Variants in CPPED1 observed in about 807,000 individuals in gnomAD.
CPPED1 encodes calcineurin like phosphoesterase domain containing 1, also known as serine/threonine-protein phosphatase CPPED1.
CPPED1 carries 28 observed loss-of-function variants against 28.0 expected under a neutral mutation model. The observed-to-expected ratio is 1.00, with a 90% confidence interval of 0.74 to 1.37. CPPED1 has a LOEUF of 1.37. Ranked by LOEUF, CPPED1 falls within the 40% of genes most tolerant of loss-of-function variation. The pLI is 0.00. For synonymous variants in CPPED1, 198 were observed against 180.2 expected (o/e 1.10, Z -0.79); for missense variants, 504 against 416.5 (o/e 1.21, Z -1.83).
chr16:12,722,475 C>T (rs543081539), intron 2 of CPPED1, among the ~76,000 whole-genome samples: 2 of 152,320 alleles, frequency 1.3e-5, no homozygotes, highest in South Asian at 2.1e-4. Flanking sequence ...CGGTGGCTCA[C>T]GCCTGTAATC....
intron 3 of CPPED1, among the ~76,000 whole-genome samples, chr16:12,680,501 T>C (rs775787186): frequency 5.9e-5 from 9 of 152,066 alleles, no homozygotes; most frequent in Non-Finnish European, 1.3e-4. Context: ...CTTTCAGCCC[T>C]CTAAGGACTA....
chr16:12,731,717 T>C (rs1313180811), intron 2 of CPPED1, among the ~76,000 whole-genome samples: 1 of 151,542 alleles, frequency 6.6e-6, no homozygotes, highest in East Asian at 1.9e-4. Context: ...CTGTACTCTT[T>C]TTCATTCTTT....
At chr16:12,774,892 G>A (rs543866606) in intron 2 of CPPED1, among the ~76,000 whole-genome samples, 2 of 152,150 alleles carry the variant, frequency 1.3e-5, no homozygotes, top group East Asian at 1.9e-4. Context: ...CATGATCACG[G>A]CTCACTGAAG....
intron 3 of CPPED1, among the ~76,000 whole-genome samples, chr16:12,686,877 A>AT (rs36119593): frequency 1.2e-4 from 18 of 150,866 alleles, no homozygotes; most frequent in African/African-American, 3.2e-4. Flanking sequence ...AAGTGGCATA[A>AT]TTTTTTTTTT....
At chr16:12,696,242 G>A (rs780899008) in intron 3 of CPPED1, among the ~76,000 whole-genome samples, 4 of 152,044 alleles carry the variant, frequency 2.6e-5, no homozygotes, top group African/African-American at 4.8e-5. Context: ...AACCAGGTCC[G>A]CCTGTCCTGG....
intron 1 of CPPED1, among the ~76,000 whole-genome samples, chr16:12,784,764 A>G (rs957328759): frequency 6.6e-6 from 1 of 152,210 alleles, no homozygotes; most frequent in Non-Finnish European, 1.5e-5. Context: ...GCATAAATCA[A>G]CCTTCTACAA....
intron 2 of CPPED1, among the ~76,000 whole-genome samples, chr16:12,776,147 C>G (rs2865881): frequency 3.9e-5 from 6 of 151,912 alleles, no homozygotes; most frequent in African/African-American, 1.2e-4. Context: ...ATCAGAGTAA[C>G]AGAATATGAG....
At chr16:12,698,813 G>C (rs749657076) in intron 3 of CPPED1, among the ~76,000 whole-genome samples, 1 of 152,156 alleles carries the variant, frequency 6.6e-6, no homozygotes, top group Non-Finnish European at 1.5e-5. Flanking sequence ...ATAAATACTA[G>C]AAATGAAACT....
intron 3 of CPPED1, among the ~76,000 whole-genome samples, chr16:12,690,906 T>C (rs2079959226): frequency 6.6e-6 from 1 of 152,286 alleles, no homozygotes; most frequent in East Asian, 1.9e-4. Context: ...ACCAGCTCCT[T>C]TCCTGAGGCA....
intron 2 of CPPED1, among the ~76,000 whole-genome samples, chr16:12,708,226 T>A (rs1002087337): frequency 1.3e-5 from 2 of 152,196 alleles, no homozygotes; most frequent in African/African-American, 4.8e-5. Flanking sequence ...ACACTTTCTA[T>A]ACCTCTTGCA....
intron 2 of CPPED1, among the ~76,000 whole-genome samples, chr16:12,734,118 G>A (rs2080214466): frequency 7.9e-6 from 1 of 125,988 alleles, no homozygotes; most frequent in African/African-American, 3.1e-5. Flanking sequence ...CACCCAGGCT[G>A]GAGTGCAGTG....
At chr16:12,711,534 C>T (rs2141191530) in intron 2 of CPPED1, among the ~76,000 whole-genome samples, 1 of 152,278 alleles carries the variant, frequency 6.6e-6, no homozygotes, top group African/African-American at 2.4e-5. Context: ...GAAGAAACCA[C>T]CAAAGTTATC....
chr16:12,739,137 C>T (rs969741225), intron 2 of CPPED1, among the ~76,000 whole-genome samples: 23 of 152,178 alleles, frequency 1.5e-4, no homozygotes, highest in African/African-American at 5.3e-4. Context: ...AAAATAGTAG[C>T]GCCTCACTGG....
intron 2 of CPPED1, among the ~76,000 whole-genome samples, chr16:12,752,545 T>C (rs956481150): frequency 6.6e-6 from 1 of 151,166 alleles, no homozygotes; most frequent in Non-Finnish European, 1.5e-5. Flanking sequence ...CAGTTAGAAG[T>C]CTATCCTGGC....
chr16:12,715,051 C>A (rs911241654), intron 2 of CPPED1, among the ~76,000 whole-genome samples: 3 of 152,064 alleles, frequency 2.0e-5, no homozygotes, highest in African/African-American at 7.2e-5. Context: ...GTTGAAAAGA[C>A]TACCCTTTCC....
At position 12,664,876 on chromosome 16, in the gene CPPED1, G is replaced by A; in HGVS notation, c.*10C>T. On this transcript the variant is annotated 3_prime_UTR_variant, in exon 4 of 4. Transcript: ENST00000381774. The surrounding 1 kb of genome is among the most constrained non-coding windows in gnomAD (Gnocchi z 4.2). ...TGCAAGTGAAAAGTGAACGGGAACG[G>A]GAAGGAGCGTCATTTTTTCTTGATC... The A allele has an allele frequency of 1.2e-6, 2 of 1,608,772 alleles. No homozygotes were observed. Among genetic ancestry groups the A allele is most frequent in the Non-Finnish European group, 1.7e-6 (2 of 1,178,188 alleles).
At chr16:12,774,144 T>G (rs1326015071) in intron 2 of CPPED1, among the ~76,000 whole-genome samples, 1 of 152,082 alleles carries the variant, frequency 6.6e-6, no homozygotes, top group African/African-American at 2.4e-5. Context: ...CCGCCAGGGA[T>G]GAGGAGGCAT....
rs140919409 is a variant in CPPED1, at chr16:12,749,152, A to C, written c.289+32033T>G. Reference sequence around the variant, plus strand: ...ATCAACTGACTCTTCCTTCCATGAAAGATTTCTCTGTAGCATGTAAAGCTG... The same window carrying C: ...ATCAACTGACTCTTCCTTCCATGAACGATTTCTCTGTAGCATGTAAAGCTG... On this transcript the variant is annotated intron_variant, in intron 2 of 3. Coordinates refer to ENST00000381774, the MANE Select transcript of CPPED1 (RefSeq NM_018340.3). 9.2e-3 allele frequency among the ~76,000 whole-genome samples: 1,397 copies of C among 152,326 alleles called. 18 individuals carry two copies. Among genetic ancestry groups the C allele is most frequent in the Non-Finnish European group, 0.015 (996 of 68,030 alleles).
chr16:12,783,426 G>T (rs528410743), intron 1 of CPPED1, among the ~76,000 whole-genome samples: 94 of 151,916 alleles, frequency 6.2e-4, no homozygotes, highest in Admixed American at 3.3e-3. Context: ...TTTAACCTGG[G>T]AGGCGGAAAC....
Sources: allele counts gnomAD v4.1 joint callset (sites outside exome capture counted in the v4.1 genomes callset), GRCh38; gene constraint gnomAD v4.1.1; non-coding constraint Gnocchi (gnomAD v3.1); transcripts MANE v1.5; gene names NCBI Gene and HGNC (gene_info 2026-07-23, HGNC 2026-07-21).